Variants in LRMDA observed in about 807,000 individuals in gnomAD.
The protein encoded by LRMDA is leucine rich melanocyte differentiation associated.
In LRMDA, 18 loss-of-function variants were observed where a neutral mutation model predicts 29.8. The ratio of observed to expected loss-of-function variants is 0.60; its 90% CI spans 0.42 to 0.90. The LOEUF is 0.90. Among genes scored for constraint, LRMDA ranks in the 40% least tolerant of loss-of-function variants. The pLI is 0.00. For synonymous variants in LRMDA, 125 were observed against 109.4 expected (o/e 1.14, Z -0.89); for missense variants, 273 against 273.9 (o/e 1.00, Z 0.02).
intron 2 of LRMDA, among the ~76,000 whole-genome samples, chr10:75,848,326 C>T (rs1171307110): frequency 6.6e-6 from 1 of 152,154 alleles, no homozygotes; most frequent in Non-Finnish European, 1.5e-5. Flanking sequence ...TATGATTCCA[C>T]TTGTAGGAAG....
At chr10:76,039,911 G>A (rs2132033766) in intron 3 of LRMDA, among the ~76,000 whole-genome samples, 1 of 152,180 alleles carries the variant, frequency 6.6e-6, no homozygotes, top group East Asian at 1.9e-4. Flanking sequence ...GTTTGACTTG[G>A]GCCACATTGT....
chr10:75,504,816 T>C (rs970450125), intron 2 of LRMDA, among the ~76,000 whole-genome samples: 2 of 152,194 alleles, frequency 1.3e-5, no homozygotes, highest in African/African-American at 4.8e-5. Flanking sequence ...AGATTTTTAC[T>C]GTTACCCTAA....
intron 6 of LRMDA, among the ~76,000 whole-genome samples, chr10:76,354,241 A>C (rs1841212506): frequency 6.6e-6 from 1 of 152,170 alleles, no homozygotes; most frequent in African/African-American, 2.4e-5. Flanking sequence ...GAAGATTTCA[A>C]AGGAGAATCT....
chr10:75,564,441 C>T (rs965167999), intron 2 of LRMDA, among the ~76,000 whole-genome samples: 21 of 152,216 alleles, frequency 1.4e-4, no homozygotes, highest in Non-Finnish European at 2.5e-4. Flanking sequence ...TCTTTCACCC[C>T]TTTCTTTGAC....
intron 2 of LRMDA, among the ~76,000 whole-genome samples, chr10:75,533,555 T>C (rs1845503669): frequency 6.6e-6 from 1 of 152,244 alleles, no homozygotes; most frequent in Non-Finnish European, 1.5e-5. Context: ...CTGACTTGGT[T>C]AAAAGTAGGT....
chr10:76,009,878 CT>C (rs1296938731), intron 2 of LRMDA, among the ~76,000 whole-genome samples: 1 of 151,838 alleles, frequency 6.6e-6, no homozygotes, highest in Admixed American at 6.6e-5. Flanking sequence ...CATCTTCCCC[CT>C]GTCAGAACTC....
intron 5 of LRMDA, among the ~76,000 whole-genome samples, chr10:76,125,391 A>G (rs978872593): frequency 6.6e-6 from 1 of 152,232 alleles, no homozygotes; most frequent in African/African-American, 2.4e-5. Flanking sequence ...GTTCGGCAAA[A>G]TGTTGATATG....
chr10:76,053,024 G>C (rs1848555039), intron 4 of LRMDA, among the ~76,000 whole-genome samples: 1 of 152,212 alleles, frequency 6.6e-6, no homozygotes, highest in African/African-American at 2.4e-5. Flanking sequence ...AGGATTTATA[G>C]ACGGGGGTTT....
At chr10:75,671,168 G>A (rs988723350) in intron 2 of LRMDA, among the ~76,000 whole-genome samples, 20 of 152,100 alleles carry the variant, frequency 1.3e-4, no homozygotes, top group African/African-American at 4.6e-4. Context: ...CATTTCAAGA[G>A]TTTTAAGTCT....
rs544513484 is a variant in LRMDA at position 76,558,330 on chromosome 10, A to T, written c.*1042A>T. ...CAAAGAGTTTTTATAGAAGGCACAA[A>T]CCTTTTGGATTTTGCATCTTTGTCA... On this transcript the variant is annotated 3_prime_UTR_variant, in exon 7 of 7. Transcript: ENST00000611255. 9 of 152,230 alleles carry T rather than the reference A, an allele frequency of 5.9e-5. No homozygotes were observed. Among genetic ancestry groups the T allele is most frequent in the African/African-American group, 2.2e-4 (9 of 41,534 alleles). The allele number at this position is 152,230 out of a possible 1,614,324, so 9.4% of individuals were successfully genotyped here.
At chr10:75,882,499 G>T (rs1242602861) in intron 2 of LRMDA, among the ~76,000 whole-genome samples, 3 of 152,184 alleles carry the variant, frequency 2.0e-5, no homozygotes, top group Non-Finnish European at 2.9e-5. Context: ...AAGATGGAGT[G>T]TCTTAAGAGT....
chr10:75,624,941 CATT>C (rs1484608474), intron 2 of LRMDA, among the ~76,000 whole-genome samples: 1 of 152,152 alleles, frequency 6.6e-6, no homozygotes, highest in Non-Finnish European at 1.5e-5. Flanking sequence ...GAAAAAGCCC[CATT>C]ATTATAAATT....
intron 2 of LRMDA, among the ~76,000 whole-genome samples, chr10:75,576,809 G>A (rs1409881841): frequency 6.6e-6 from 1 of 152,270 alleles, no homozygotes; most frequent in East Asian, 1.9e-4. Flanking sequence ...CTGTTAGAAG[G>A]AATACTAACA....
chr10:75,564,564 C>T (rs1840345890), intron 2 of LRMDA, among the ~76,000 whole-genome samples: 1 of 152,262 alleles, frequency 6.6e-6, no homozygotes, highest in African/African-American at 2.4e-5. Flanking sequence ...CTGTCTGGCA[C>T]TCCCTAGTGA....
intron 2 of LRMDA, among the ~76,000 whole-genome samples, chr10:75,548,087 A>G (rs1348965585): frequency 1.3e-5 from 2 of 151,130 alleles, no homozygotes; most frequent in Admixed American, 1.3e-4. Context: ...GTGGTGAAGG[A>G]CAGCATTTAA....
chr10:75,979,645 C>A (rs1241176499), intron 2 of LRMDA, among the ~76,000 whole-genome samples: 3 of 152,022 alleles, frequency 2.0e-5, no homozygotes, highest in African/African-American at 7.2e-5. Context: ...TTTTGGTGCC[C>A]TTTCTTCCCT....
intron 5 of LRMDA, among the ~76,000 whole-genome samples, chr10:76,106,010 G>A (rs1849478218): frequency 1.3e-5 from 2 of 152,310 alleles, no homozygotes; most frequent in South Asian, 4.1e-4. Context: ...GCCTCCCAAA[G>A]TGCTGGGATT....
chr10:76,229,718 C>T (rs530619675), intron 5 of LRMDA, among the ~76,000 whole-genome samples: 2 of 152,136 alleles, frequency 1.3e-5, no homozygotes, highest in East Asian at 1.9e-4. Context: ...GTATCTCTTC[C>T]GAGCCCGTGT....
At chr10:76,124,093 C>T (rs183008079) in intron 5 of LRMDA, among the ~76,000 whole-genome samples, 1 of 152,326 alleles carries the variant, frequency 6.6e-6, no homozygotes, top group East Asian at 1.9e-4. Flanking sequence ...CCACCTCTCC[C>T]ATCGTCTCTA....
Sources: allele counts gnomAD v4.1 joint callset (sites outside exome capture counted in the v4.1 genomes callset), GRCh38; gene constraint gnomAD v4.1.1; transcripts MANE v1.5; gene names NCBI Gene and HGNC (gene_info 2026-07-23, HGNC 2026-07-21).